The following NFRKB variants were observed in gnomAD, a reference collection of about 807,000 sequenced individuals.
NFRKB encodes nuclear factor related to kappa-B-binding protein.
NFRKB carries 62 observed loss-of-function variants against 135.7 expected under a neutral mutation model. That is an observed-to-expected ratio of 0.46 (90% CI 0.37 to 0.56). The LOEUF is 0.56. Among genes scored for constraint, NFRKB ranks in the 20% least tolerant of loss-of-function variants. The pLI is 0.00. For synonymous variants in NFRKB, 678 were observed against 635.6 expected (o/e 1.07, Z -1.00); for missense variants, 1,545 against 1,662.0 (o/e 0.93, Z 1.22).
chr11:129,874,374 G>A lies in NFRKB; in HGVS notation c.2059-41C>T, dbSNP rs527330507. 1.9e-5 allele frequency: 29 copies of A among 1,519,652 alleles called. No individual in the cohort carries two copies. The highest frequency in any genetic ancestry group is 2.4e-5 in the Non-Finnish European group (27 of 1,136,462). The allele number at this position is 1,519,652 out of a possible 1,614,324, so 94.1% of individuals were successfully genotyped here. On this transcript the variant is annotated intron_variant, in intron 20 of 26. Coordinates refer to ENST00000682444, the MANE Select transcript of NFRKB (RefSeq NM_001143835.2). The surrounding 1 kb of genome is among the most constrained non-coding windows in gnomAD (Gnocchi z 4.5). ...AAGAAAACTCACCTGGTGTCGTGAAGATCCCCCTAAAGGAAGGGACACCCC... is the reference window on the plus strand; with the variant it reads ...AAGAAAACTCACCTGGTGTCGTGAAAATCCCCCTAAAGGAAGGGACACCCC...
chr11:129,882,485 G>A lies in NFRKB; in HGVS notation c.1048C>T (p.Pro350Ser). The part of the protein sequence containing the change: ...TEGVAPLSQA[P>S]SPLAIPAIKE... ...ATAGCAGGAATTGCCAGCGGAGAGG[G>A]GGCCTGTGAGAGAGGTGCGACCCCT... Residue 350 changes from proline (P) to serine (S), a missense_variant, in exon 10 of 27, where the codon CCC (proline) becomes TCC (serine). Physicochemically the swap from Pro to Ser is moderately conservative, Grantham distance 74. This residue lies in a region of NFRKB where 678 missense variants were observed against 646.7 expected (regional missense o/e 1.05). Transcript: ENST00000682444. The A allele has an allele frequency of 6.2e-7, 1 of 1,613,828 alleles. No individual in the cohort carries two copies. Among genetic ancestry groups the A allele is most frequent in the Non-Finnish European group, 8.5e-7 (1 of 1,179,844 alleles).
At chr11:129,881,421 G>GA (rs1485943278) in intron 13 of NFRKB, 22 bp downstream of exon 13, 1 of 1,611,612 alleles carries the variant, frequency 6.2e-7, no homozygotes, top group Admixed American at 1.7e-5. Context: ...ACCTGTTGGG[G>GA]TAGGTAATAC....
intron 17 of NFRKB, 61 bp downstream of exon 17, chr11:129,876,660 G>GAGTCA: frequency 1.3e-6 from 2 of 1,558,680 alleles, no homozygotes; most frequent in South Asian, 2.4e-5. Flanking sequence ...GTTCAGAGTT[G>GAGTCA]GTAAGAGAAA....
intron 14 of NFRKB, 21 bp from the exon 15 acceptor site, chr11:129,878,376 G>A (rs1948872181): frequency 8.1e-6 from 13 of 1,614,044 alleles, no homozygotes; most frequent in Admixed American, 1.7e-5. Context: ...AGAAAACGTT[G>A]ACAGGTAAAT....
chr11:129,882,866 C>T (rs757568179), intron 9 of NFRKB, among the ~76,000 whole-genome samples: 26 of 152,184 alleles, frequency 1.7e-4, no homozygotes, highest in South Asian at 4.2e-4. Context: ...TCACTACAGC[C>T]TCAATCTCCC....
At chr11:129,891,262 G>A (rs1463320501) in intron 3 of NFRKB, among the ~76,000 whole-genome samples, 1 of 152,140 alleles carries the variant, frequency 6.6e-6, no homozygotes, top group East Asian at 1.9e-4. Context: ...CAGAGCAAAC[G>A]ACACTACCTC....
chr11:129,888,023 C>T (rs1009683077), intron 4 of NFRKB, among the ~76,000 whole-genome samples: 1 of 151,886 alleles, frequency 6.6e-6, no homozygotes, highest in South Asian at 2.1e-4. Flanking sequence ...GGCGACACAG[C>T]GAGACTCTGT....
At chr11:129,885,711 C>A in intron 5 of NFRKB, 102 bp from the exon 6 acceptor site, 1 of 1,035,898 alleles carries the variant, frequency 9.7e-7, no homozygotes, top group Non-Finnish European at 1.4e-6. Context: ...GTGTTAAGCC[C>A]AACTCCCTCC....
chr11:129,877,792 A>T (rs1948838890), intron 15 of NFRKB, among the ~76,000 whole-genome samples: 2 of 152,154 alleles, frequency 1.3e-5, no homozygotes, highest in Non-Finnish European at 2.9e-5. Flanking sequence ...CCTCTATTAC[A>T]TGAAGCAAAA....
chr11:129,869,729 G>T lies in NFRKB; in HGVS notation c.3296C>A (p.Pro1099His). 2 of 1,614,248 alleles carry T rather than the reference G, an allele frequency of 1.2e-6. No individual in the cohort carries two copies. The highest frequency in any genetic ancestry group is 1.7e-6 in the Non-Finnish European group (2 of 1,180,048). ...RIVQGLGVMPPKAGQTITVAT... is the reference protein window; with the variant it reads ...RIVQGLGVMPHKAGQTITVAT... The stretch of plus-strand genomic sequence containing the variant: ...AACGGTGATGGTCTGGCCTGCTTTG[G>T]GAGGCATCACTCCCAGTCCCTGCAC... The change falls in exon 24 of 27, where the codon CCC (proline) becomes CAC (histidine). Residue 1099 changes from proline (P) to histidine (H), a missense_variant. This residue lies in a region of NFRKB where 753 missense variants were observed against 804.3 expected (regional missense o/e 0.94). Coordinates refer to ENST00000682444, the MANE Select transcript of NFRKB (RefSeq NM_001143835.2).
Position 129,869,552 on chromosome 11 carries a change from C to G in NFRKB, c.3473G>C (p.Gly1158Ala), listed in dbSNP as rs1434558316. ...AASTPISIST[G>A]APTVRQVPVS... ...AGGGACCTGCCGCACGGTGGGGGCT[C>G]CTGTGCTGATGCTGATGGGGGTGCT... Residue 1158 changes from glycine (G) to alanine (A), a missense_variant, in exon 24 of 27, where the codon GGA becomes GCA. Physicochemically the swap from Gly to Ala is moderately conservative, Grantham distance 60. Transcript: ENST00000682444. 4 of 1,614,000 alleles carry G rather than the reference C, an allele frequency of 2.5e-6. No homozygotes were observed. The East Asian group carries it at 8.9e-5, about 36-fold the overall frequency.
chr11:129,885,729 T>A (rs1387253561), intron 5 of NFRKB, 120 bp from the exon 6 acceptor site: 1 of 895,534 alleles, frequency 1.1e-6, no homozygotes, highest in Non-Finnish European at 1.6e-6. Flanking sequence ...TCCCTCCAGA[T>A]CACAAAGAAA....
chr11:129,873,216 G>C, intron 22 of NFRKB, 120 bp from the exon 23 acceptor site: 1 of 793,782 alleles, frequency 1.3e-6, no homozygotes, highest in Non-Finnish European at 2.0e-6. Flanking sequence ...TAATCCCACA[G>C]TACTTAAGGC....
chr11:129,881,704 C>G (rs1187766451), intron 12 of NFRKB, 23 bp downstream of exon 12: 7 of 1,612,328 alleles, frequency 4.3e-6, no homozygotes, highest in African/African-American at 1.3e-5. Flanking sequence ...AAAATACTGA[C>G]CCTACAAAAA....
intron 13 of NFRKB, among the ~76,000 whole-genome samples, chr11:129,879,708 C>T (rs1311864391): frequency 2.6e-5 from 4 of 152,162 alleles, no homozygotes; most frequent in Admixed American, 2.0e-4. Context: ...GCCCCTCTGC[C>T]GTGAAGAGCC....
chr11:129,894,943 G>A (rs1391207856), intron 1 of NFRKB, among the ~76,000 whole-genome samples: 1 of 152,186 alleles, frequency 6.6e-6, no homozygotes, highest in Non-Finnish European at 1.5e-5. Context: ...GTGACGGTGC[G>A]TGTCTAGCTA....
rs368041522 is a variant in NFRKB at position 129,870,157 on chromosome 11, C to A, written c.2868G>T (p.Pro956=). The stretch of plus-strand genomic sequence containing the variant: ...TGGCATCTGTGGTGATGGAAGAGGG[C>A]GGCAGACGCAATACATCCTTACCCT... ...RIQGKDVLRL[P]PSSITTDAKG... The change falls in exon 24 of 27, where the codon CCG becomes CCT. Residue 956 remains proline (P), a synonymous_variant. Transcript: ENST00000682444. The A allele has an allele frequency of 1.2e-6, 2 of 1,614,188 alleles. No homozygotes were observed. Among genetic ancestry groups the A allele is most frequent in the Non-Finnish European group, 8.5e-7 (1 of 1,180,030 alleles).
At chr11:129,866,513 G>A (rs1948199328) in intron 24 of NFRKB, among the ~76,000 whole-genome samples, 1 of 151,656 alleles carries the variant, frequency 6.6e-6, no homozygotes, top group African/African-American at 2.4e-5. Context: ...TTAGGGAGAG[G>A]CCATGCTCTC....
At position 129,883,205 on chromosome 11, in the gene NFRKB, T is replaced by A. The variant is rs757254110; in HGVS notation, c.818A>T (p.Asp273Val). 5 of 1,613,858 alleles carry A rather than the reference T, an allele frequency of 3.1e-6. No individual in the cohort carries two copies. Among genetic ancestry groups the A allele is most frequent in the Non-Finnish European group, 4.2e-6 (5 of 1,179,914 alleles). Reference protein sequence around the residue: ...KHHEKRKHQPDHPDLLTGDLT... With the variant: ...KHHEKRKHQPVHPDLLTGDLT... ...GTCCCCTGTCAAAAGGTCCGGGTGATCCTAGATGTGATATCCAGAATTTGG... is the reference window on the plus strand; with the variant it reads ...GTCCCCTGTCAAAAGGTCCGGGTGAACCTAGATGTGATATCCAGAATTTGG... The change falls in exon 9 of 27, where the codon GAT (aspartate) becomes GTT (valine). Residue 273 changes from aspartate (D) to valine (V), a missense_variant and splice_region_variant. Transcript: ENST00000682444.
Sources: allele counts gnomAD v4.1 joint callset (sites outside exome capture counted in the v4.1 genomes callset), GRCh38; gene constraint gnomAD v4.1.1; regional missense constraint gnomAD v4.1.1; non-coding constraint Gnocchi (gnomAD v3.1); transcripts MANE v1.5; gene names NCBI Gene and HGNC (gene_info 2026-07-23, HGNC 2026-07-21).